BLTP1: variants seen among roughly 807,000 people sequenced by gnomAD.
BLTP1 encodes the protein bridge-like lipid transfer protein family member 1.
At chr4:122,201,255 G>T in the BLTP1 span, 3 of 737,486 alleles carry the variant, frequency 4.1e-6, no homozygotes, top group African/African-American at 1.8e-5. Context: ...TTCATTTTGG[G>T]CTGAAAATGT....
the BLTP1 span, among the ~76,000 whole-genome samples, chr4:122,158,990 A>G: frequency 6.6e-6 from 1 of 152,134 alleles, no homozygotes; most frequent in Non-Finnish European, 1.5e-5. Context: ...TTGCTGATTT[A>G]TAGTGTTTGG....
At chr4:122,309,604 A>C in the BLTP1 span, 4 of 847,656 alleles carry the variant, frequency 4.7e-6, no homozygotes, top group Non-Finnish European at 7.1e-6. Context: ...AGTTACAGGT[A>C]ACAAACCATA....
At chr4:122,173,153 G>C in the BLTP1 span, 1 of 1,606,120 alleles carries the variant, frequency 6.2e-7, no homozygotes, top group Non-Finnish European at 8.5e-7. Flanking sequence ...ATCCATATTG[G>C]TGAGTTTGAG....
the BLTP1 span, among the ~76,000 whole-genome samples, chr4:122,321,083 T>A: frequency 2.0e-5 from 3 of 151,860 alleles, no homozygotes. Flanking sequence ...ACCCATAAGT[T>A]GAAAAGTCAA....
At chr4:122,321,438 A>G in the BLTP1 span, among the ~76,000 whole-genome samples, 1 of 150,918 alleles carries the variant, frequency 6.6e-6, no homozygotes, top group Non-Finnish European at 1.5e-5. Context: ...ACATATATAC[A>G]CATGCACACA....
At chr4:122,221,570 T>G in the BLTP1 span, among the ~76,000 whole-genome samples, 1 of 152,132 alleles carries the variant, frequency 6.6e-6, no homozygotes, top group Non-Finnish European at 1.5e-5. Context: ...CTAGGTCTTC[T>G]TATCATGTGT....
chr4:122,221,451 C>T, the BLTP1 span, among the ~76,000 whole-genome samples: 1 of 152,014 alleles, frequency 6.6e-6, no homozygotes, highest in Non-Finnish European at 1.5e-5. Context: ...AAGATCAGAG[C>T]GATCCTGTGT....
At chr4:122,339,020 C>T in the BLTP1 span, 1 of 214,870 alleles carries the variant, frequency 4.7e-6, no homozygotes, top group East Asian at 1.8e-4. Context: ...CTTTTGAAAT[C>T]CAAGGTGAAA....
chr4:122,297,762 A>G, the BLTP1 span, among the ~76,000 whole-genome samples: 3 of 152,220 alleles, frequency 2.0e-5, no homozygotes, highest in Non-Finnish European at 4.4e-5. Flanking sequence ...TTGCAGGGAT[A>G]TTGATGGAGC....
At chr4:122,347,867 G>T in the BLTP1 span, 2 of 777,682 alleles carry the variant, frequency 2.6e-6, no homozygotes. Flanking sequence ...CTAACTATAG[G>T]AAAATAAATT....
the BLTP1 span, chr4:122,207,032 G>T: frequency 2.3e-6 from 3 of 1,314,116 alleles, no homozygotes; most frequent in Admixed American, 4.7e-5. Flanking sequence ...TTTTTGACTG[G>T]TGTTAGAAAA....
the BLTP1 span, chr4:122,230,202 G>C: frequency 3.7e-6 from 6 of 1,612,098 alleles, no homozygotes; most frequent in African/African-American, 8.0e-5. Flanking sequence ...CATGATGCCA[G>C]AACTAAGAGG....
the BLTP1 span, among the ~76,000 whole-genome samples, chr4:122,169,030 C>T: frequency 6.6e-6 from 1 of 152,138 alleles, no homozygotes. Context: ...TCACCGTAAC[C>T]TTGAACTCCT....
At chr4:122,278,314 G>A in the BLTP1 span, among the ~76,000 whole-genome samples, 1 of 152,160 alleles carries the variant, frequency 6.6e-6, no homozygotes, top group Non-Finnish European at 1.5e-5. Context: ...ATTATTAACT[G>A]AAGAGAAATG....
the BLTP1 span, chr4:122,153,159 G>GTTTTT: frequency 4.8e-5 from 6 of 125,664 alleles, no homozygotes; most frequent in Non-Finnish European, 7.4e-5. Flanking sequence ...AGTTGTTGTC[G>GTTTTT]TTTTTTTTTT....
At chr4:122,246,064 G>A in the BLTP1 span, 2 of 1,400,536 alleles carry the variant, frequency 1.4e-6, no homozygotes, top group African/African-American at 1.5e-5. Flanking sequence ...TAGGCATAGA[G>A]GGGCAGCGTG....
At chr4:122,355,417 G>A in the BLTP1 span, among the ~76,000 whole-genome samples, 1 of 151,762 alleles carries the variant, frequency 6.6e-6, no homozygotes. Context: ...TCCAACTTCA[G>A]ACATGAATTC....
At chr4:122,251,751 T>C in the BLTP1 span, 1 of 274,752 alleles carries the variant, frequency 3.6e-6, no homozygotes, top group African/African-American at 2.3e-5. Context: ...GGTCCATTTC[T>C]TTATGGAATT....
chr4:122,167,227 C>A, the BLTP1 span, among the ~76,000 whole-genome samples: 4 of 152,244 alleles, frequency 2.6e-5, no homozygotes, highest in South Asian at 8.3e-4. Flanking sequence ...AACCATAGCT[C>A]CAGTTCTTAT....
Sources: allele counts gnomAD v4.1 joint callset (sites outside exome capture counted in the v4.1 genomes callset), GRCh38; gene constraint gnomAD v4.1.1; transcripts MANE v1.5; gene names NCBI Gene and HGNC (gene_info 2026-07-23, HGNC 2026-07-21).